Variants in TMEM67 observed in about 807,000 individuals in gnomAD.
The protein encoded by TMEM67 is meckelin.
In TMEM67, 124 loss-of-function variants were observed where a neutral mutation model predicts 136.6. That is an observed-to-expected ratio of 0.91 (90% CI 0.78 to 1.05). TMEM67 has a LOEUF of 1.05. Among genes scored for constraint, TMEM67 ranks in the 50% least tolerant of loss-of-function variants. The probability of loss-of-function intolerance (pLI) is 0.00; values close to 1 mark genes in which losing one functional copy is unlikely to be tolerated. For missense variants in TMEM67, 1,107 were observed against 1,178.4 expected, an observed-to-expected ratio of 0.94 and a Z score of 0.89; for synonymous variants, 364 against 390.5, an observed-to-expected ratio of 0.93 and a Z score of 0.80.
chr8:93,783,720 C>A (rs558396208), intron 11 of TMEM67, among the ~76,000 whole-genome samples: 2 of 152,170 alleles, frequency 1.3e-5, no homozygotes, highest in African/African-American at 4.8e-5. Flanking sequence ...AGGAAACTTA[C>A]AATCATGGTG....
chr8:93,801,400 AT>A (rs56967457), intron 21 of TMEM67, among the ~76,000 whole-genome samples: 12,087 of 139,638 alleles, frequency 0.087, 560 homozygotes, highest in South Asian at 0.13. Flanking sequence ...ACACCCAGCA[AT>A]TTTTTTTTTT....
intron 23 of TMEM67, among the ~76,000 whole-genome samples, chr8:93,805,568 G>A (rs1465777373): frequency 1.4e-5 from 2 of 145,832 alleles, no homozygotes; most frequent in Admixed American, 6.9e-5. Flanking sequence ...GCGACAGAGC[G>A]AGACTCCGTC....
chr8:93,795,782 C>T (rs1051306462), intron 17 of TMEM67, 119 bp from the exon 18 acceptor site: 6 of 765,532 alleles, frequency 7.8e-6, no homozygotes, highest in Non-Finnish European at 1.3e-5. Flanking sequence ...CAAGTCCTGC[C>T]CGGGCAGCAT....
chr8:93,764,405 A>T (rs1812987994), intron 4 of TMEM67, among the ~76,000 whole-genome samples: 1 of 152,202 alleles, frequency 6.6e-6, no homozygotes, highest in African/African-American at 2.4e-5. Context: ...TGTTACATAG[A>T]AAAACATAAA....
At chr8:93,757,824 G>T (rs1428370771) in intron 2 of TMEM67, among the ~76,000 whole-genome samples, 1 of 150,538 alleles carries the variant, frequency 6.6e-6, no homozygotes, top group East Asian at 2.0e-4. Context: ...GCAGTGGCAC[G>T]ATCTCAGCTC....
At chr8:93,800,451 G>A (rs1814823000) in intron 21 of TMEM67, among the ~76,000 whole-genome samples, 1 of 152,142 alleles carries the variant, frequency 6.6e-6, no homozygotes, top group Admixed American at 6.5e-5. Flanking sequence ...GACTGAATAT[G>A]GGACTTGAAT....
chr8:93,832,532 C>T, the TMEM67 span, among the ~76,000 whole-genome samples: 1 of 152,166 alleles, frequency 6.6e-6, no homozygotes, highest in South Asian at 2.1e-4. Flanking sequence ...CTTGTTTCTT[C>T]CACCTTCCAG....
At chr8:93,765,791 A>G (rs1316853714) in intron 6 of TMEM67, 145 bp downstream of exon 6, 17 of 695,942 alleles carry the variant, frequency 2.4e-5, no homozygotes, top group East Asian at 2.2e-4. Context: ...TTAGTCTAAT[A>G]ATTCAGCAGT....
At chr8:93,772,879 G>C (rs765596750) in intron 7 of TMEM67, among the ~76,000 whole-genome samples, 1 of 152,144 alleles carries the variant, frequency 6.6e-6, no homozygotes, top group Non-Finnish European at 1.5e-5. Flanking sequence ...CGGAGTGTTA[G>C]GGGAAACTGA....
chr8:93,771,445 A>G (rs931504579), intron 6 of TMEM67, among the ~76,000 whole-genome samples: 8 of 152,160 alleles, frequency 5.3e-5, no homozygotes, highest in Non-Finnish European at 1.5e-5. Flanking sequence ...TCTCTATACC[A>G]TGTTCCAGAC....
chr8:93,762,282 G>C (rs955581912), intron 3 of TMEM67, among the ~76,000 whole-genome samples: 1 of 150,072 alleles, frequency 6.7e-6, no homozygotes, highest in African/African-American at 2.4e-5. Flanking sequence ...ATCCTTTTGT[G>C]CCTTTTATTT....
downstream of TMEM67, among the ~76,000 whole-genome samples, chr8:93,821,710 G>A (rs1458619696): frequency 6.6e-6 from 1 of 152,136 alleles, no homozygotes; most frequent in African/African-American, 2.4e-5. Flanking sequence ...ACAAGCCTGG[G>A]CAACATGGTG....
intron 26 of TMEM67, among the ~76,000 whole-genome samples, chr8:93,812,839 C>T (rs556011712): frequency 1.7e-4 from 26 of 152,198 alleles, no homozygotes; most frequent in Non-Finnish European, 3.1e-4. Context: ...CAGGTTCAAG[C>T]GATTCTCCTG....
rs1814660125 is a variant in TMEM67 at position 93,797,227 on chromosome 8, G to T, written c.1954G>T (p.Val652Phe). 1 of 1,612,316 alleles carries T rather than the reference G, an allele frequency of 6.2e-7. No homozygotes were observed. The highest frequency in any genetic ancestry group is 1.3e-5 in the African/African-American group (1 of 75,014). Residue 652 changes from valine to phenylalanine, a missense_variant, in exon 19 of 28, where the codon GTT becomes TTT. Val to Phe is a conservative substitution (Grantham distance 50, BLOSUM62 -1). Coordinates refer to ENST00000453321, the MANE Select transcript of TMEM67 (RefSeq NM_153704.6). ...ACCTAAAGGAAAGGTTCTTAAAGCT[G>T]TTGAAGGTAACTGAAATAAAAAATA... The part of the protein sequence containing the change: ...ERPKGKVLKA[V>F]EGEGGVRSAT...
chr8:93,815,609 A>G (rs1442849375), intron 27 of TMEM67, among the ~76,000 whole-genome samples, 162 bp downstream of exon 27: 3 of 152,208 alleles, frequency 2.0e-5, no homozygotes, highest in Non-Finnish European at 4.4e-5. Flanking sequence ...TAACATTTCA[A>G]CCAACTGTAC....
intron 23 of TMEM67, among the ~76,000 whole-genome samples, chr8:93,808,203 T>G (rs1331294254): frequency 6.8e-6 from 1 of 148,020 alleles, no homozygotes; most frequent in Non-Finnish European, 1.5e-5. Flanking sequence ...TAAATATATA[T>G]ATATGCTCTA....
chr8:93,765,353 G>A (rs934640029), intron 4 of TMEM67, 53 bp from the exon 5 acceptor site: 3 of 1,393,358 alleles, frequency 2.2e-6, no homozygotes, highest in Admixed American at 3.5e-5. Context: ...TTTTCTATTA[G>A]GTTTAGTATA....
intron 23 of TMEM67, 151 bp from the exon 24 acceptor site, chr8:93,808,689 A>G: frequency 1.6e-6 from 1 of 617,042 alleles, no homozygotes; most frequent in Non-Finnish European, 2.9e-6. Flanking sequence ...TAATGGTAGA[A>G]TCTGTTTCTC....
intron 13 of TMEM67, among the ~76,000 whole-genome samples, chr8:93,787,638 G>A (rs1403146516): frequency 6.6e-6 from 1 of 152,118 alleles, no homozygotes; most frequent in Non-Finnish European, 1.5e-5. Context: ...CCATCAGATG[G>A]TATATTTTAA....
Sources: gnomAD v4.1 joint callset for allele counts (sites outside exome capture counted in the v4.1 genomes callset) on GRCh38, gnomAD v4.1.1 for gene constraint, MANE v1.5 for transcripts, NCBI Gene and HGNC (gene_info 2026-07-23, HGNC 2026-07-21) for gene names.